PCSK2: variants seen among roughly 807,000 people sequenced by gnomAD.
PCSK2 encodes proprotein convertase subtilisin/kexin type 2.
PCSK2 carries 14 observed loss-of-function variants against 69.7 expected under a neutral mutation model. The ratio of observed to expected loss-of-function variants is 0.20; its 90% CI spans 0.13 to 0.31. The LOEUF is 0.31. Among genes scored for constraint, PCSK2 ranks in the 10% least tolerant of loss-of-function variants. The pLI is 1.00. For missense variants in PCSK2, 544 were observed against 842.5 expected (o/e 0.65, Z 4.39); for synonymous variants, 307 against 320.7 (o/e 0.96, Z 0.46).
chr20:17,356,631 A>G (rs548029204), intron 2 of PCSK2, among the ~76,000 whole-genome samples: 14 of 152,256 alleles, frequency 9.2e-5, no homozygotes, highest in African/African-American at 3.4e-4. Context: ...GTTCTTGATT[A>G]CAAGCAACAG....
At chr20:17,274,036 G>T (rs149306738) in intron 2 of PCSK2, among the ~76,000 whole-genome samples, 8 of 152,290 alleles carry the variant, frequency 5.3e-5, no homozygotes, top group African/African-American at 1.9e-4. Context: ...AAGAAGCTAA[G>T]AAGTGTGGTT....
Position 17,290,564 on chromosome 20 carries a change from G to A in PCSK2, c.282+30220G>A, listed in dbSNP as rs141537937. Among the ~76,000 whole-genome samples, 72 of 152,254 alleles carry A rather than the reference G, an allele frequency of 4.7e-4. No individual in the cohort carries two copies. In the East Asian group the frequency reaches 0.012, roughly 26 times the overall value. On this transcript the variant is annotated intron_variant, in intron 2 of 11. Transcript: ENST00000262545. Reference sequence around the variant, plus strand: ...GGAAATATTAAGACTACTCCTAGACGTTAAATAACTGGCCCTGGTCATACT... The same window carrying A: ...GGAAATATTAAGACTACTCCTAGACATTAAATAACTGGCCCTGGTCATACT...
intron 1 of PCSK2, among the ~76,000 whole-genome samples, chr20:17,241,042 G>A (rs76804402): frequency 2.6e-5 from 4 of 152,150 alleles, no homozygotes; most frequent in African/African-American, 4.8e-5. Flanking sequence ...ATCAGTTCGC[G>A]CTGATTACAG....
rs1321578480 is a variant in PCSK2, at chr20:17,369,365, T to A, written c.543+88T>A. ...TATTAGGAACATGCACATGTCTACA[T>A]GTCTATACACATGCATGCAAGTACA... On this transcript the variant is annotated intron_variant, in intron 5 of 11. Coordinates refer to ENST00000262545, the MANE Select transcript of PCSK2 (RefSeq NM_002594.5). 6 of 1,016,860 alleles carry A rather than the reference T, an allele frequency of 5.9e-6. No individual in the cohort carries two copies. In the East Asian group the frequency reaches 1.4e-4, roughly 24 times the overall value. 63.0% of individuals were successfully genotyped at this position (1,016,860 alleles called of 1,614,324 possible). A position where few individuals can be genotyped will look rare whatever the true frequency, so the allele number is the denominator to read the frequency against.
intron 2 of PCSK2, among the ~76,000 whole-genome samples, chr20:17,291,869 C>A (rs543404868): frequency 6.6e-6 from 1 of 152,146 alleles, no homozygotes; most frequent in African/African-American, 2.4e-5. Context: ...TCATTCTGAA[C>A]ATATAACTTC....
intron 10 of PCSK2, among the ~76,000 whole-genome samples, chr20:17,458,706 A>AAG (rs1216315258): frequency 6.6e-6 from 1 of 152,180 alleles, no homozygotes. Flanking sequence ...GAGAGAGAAC[A>AAG]ACACTTCCCC....
chr20:17,326,230 A>C lies in PCSK2; in HGVS notation c.283-32097A>C, dbSNP rs765101478. Among the ~76,000 whole-genome samples, 126 of 152,354 alleles carry C rather than the reference A, an allele frequency of 8.3e-4. 1 individual carries two copies. The highest frequency in any genetic ancestry group is 2.8e-3 in the African/African-American group (118 of 41,586). On this transcript the variant is annotated intron_variant, in intron 2 of 11. Coordinates refer to ENST00000262545, the MANE Select transcript of PCSK2 (RefSeq NM_002594.5). ...GGTGAATGATAAGAAGCATTTAGAG[A>C]AGCAAACAGCCAAATGGCAATCAAG... is the stretch of plus-strand genomic sequence containing the variant.
At chr20:17,301,994 T>G (rs939623067) in intron 2 of PCSK2, among the ~76,000 whole-genome samples, 1 of 152,080 alleles carries the variant, frequency 6.6e-6, no homozygotes, top group Non-Finnish European at 1.5e-5. Context: ...TACAGCAGCC[T>G]TGACCTTCAC....
At chr20:17,341,805 C>T (rs1990517094) in intron 2 of PCSK2, among the ~76,000 whole-genome samples, 1 of 152,166 alleles carries the variant, frequency 6.6e-6, no homozygotes, top group South Asian at 2.1e-4. Flanking sequence ...CACATGTGCT[C>T]TCAAAAGTCA....
chr20:17,482,930 G>C lies in PCSK2; in HGVS notation c.*860G>C, dbSNP rs960206992. The stretch of plus-strand genomic sequence containing the variant: ...TTAAGACAAGCCTGGCAACACACCT[G>C]GTGAAGAGTAGTTTACTAGCTTTTC... On this transcript the variant is annotated 3_prime_UTR_variant, in exon 12 of 12. Coordinates refer to ENST00000262545, the MANE Select transcript of PCSK2 (RefSeq NM_002594.5). 6 of 151,980 alleles carry C rather than the reference G, an allele frequency of 3.9e-5. No homozygotes were observed. Among genetic ancestry groups the C allele is most frequent in the Non-Finnish European group, 8.8e-5 (6 of 68,008 alleles). The allele number at this position is 151,980 out of a possible 1,614,324, so 9.4% of individuals were successfully genotyped here. A position where few individuals can be genotyped will look rare whatever the true frequency, so the allele number is the denominator to read the frequency against.
chr20:17,405,575 A>G (rs1483567201), intron 5 of PCSK2, among the ~76,000 whole-genome samples: 1 of 152,242 alleles, frequency 6.6e-6, no homozygotes, highest in African/African-American at 2.4e-5. Context: ...ATATATAAAA[A>G]GCCAGAGGAA....
intron 2 of PCSK2, among the ~76,000 whole-genome samples, chr20:17,320,640 C>A (rs1246896485): frequency 6.6e-6 from 1 of 152,154 alleles, no homozygotes. Context: ...AGTCATCCAC[C>A]CAATGGGAAG....
intron 9 of PCSK2, among the ~76,000 whole-genome samples, chr20:17,456,045 G>A (rs1223462038): frequency 6.6e-6 from 1 of 152,116 alleles, no homozygotes; most frequent in African/African-American, 2.4e-5. Flanking sequence ...TTTGAGACCA[G>A]CTTGGTCAAC....
Position 17,258,646 on chromosome 20 carries a change from C to A in PCSK2, c.178-1594C>A, listed in dbSNP as rs374497946. 3.9e-5 allele frequency among the ~76,000 whole-genome samples: 6 copies of A among 152,170 alleles called. No homozygotes were observed. The East Asian group carries it at 5.8e-4, about 15-fold the overall frequency. ...CCATGACACGTGTTTACCTATGTAA[C>A]AAACCTTCACATGTACCCCCAAACC... is the stretch of plus-strand genomic sequence containing the variant. On this transcript the variant is annotated intron_variant, in intron 1 of 11. Transcript: ENST00000262545.
At chr20:17,272,087 C>T (rs1331430358) in intron 2 of PCSK2, among the ~76,000 whole-genome samples, 1 of 152,132 alleles carries the variant, frequency 6.6e-6, no homozygotes, top group Admixed American at 6.6e-5. Context: ...ACCCTTCAAA[C>T]ATTTGAAAAT....
chr20:17,403,331 T>A (rs963921713), intron 5 of PCSK2, among the ~76,000 whole-genome samples: 1 of 152,230 alleles, frequency 6.6e-6, no homozygotes, highest in Non-Finnish European at 1.5e-5. Context: ...AATGTTCGTT[T>A]CAGTCAAAAG....
intron 5 of PCSK2, among the ~76,000 whole-genome samples, chr20:17,401,128 C>A (rs983828707): frequency 3.3e-5 from 5 of 152,142 alleles, no homozygotes; most frequent in African/African-American, 4.8e-5. Context: ...ACCAACCAAC[C>A]ACATACAGAA....
At chr20:17,324,040 C>G (rs1053398876) in intron 2 of PCSK2, among the ~76,000 whole-genome samples, 2 of 152,206 alleles carry the variant, frequency 1.3e-5, no homozygotes, top group African/African-American at 4.8e-5. Flanking sequence ...TTCCCTCCTC[C>G]CTCACGTGGG....
At chr20:17,226,542 A>G (rs1314408508), upstream of PCSK2, among the ~76,000 whole-genome samples, 1 of 151,542 alleles carries the variant, frequency 6.6e-6, no homozygotes, top group East Asian at 2.0e-4. Context: ...AAAGAGAGAG[A>G]GAGAGAGAGA....
Sources: gnomAD v4.1 joint callset for allele counts (sites outside exome capture counted in the v4.1 genomes callset) on GRCh38, gnomAD v4.1.1 for gene constraint, MANE v1.5 for transcripts, NCBI Gene and HGNC (gene_info 2026-07-23, HGNC 2026-07-21) for gene names.